KIAA1671: variants seen among roughly 807,000 people sequenced by gnomAD.
KIAA1671 encodes uncharacterized protein KIAA1671.
Under a neutral mutation model 131.2 loss-of-function variants are expected in KIAA1671, and 52 were observed. The observed-to-expected ratio is 0.40, with a 90% CI of 0.32 to 0.50. KIAA1671 has a LOEUF of 0.50. Ranked by LOEUF, KIAA1671 falls within the 20% of genes least tolerant of loss-of-function variation. The pLI, the probability that KIAA1671 is intolerant of heterozygous loss-of-function variation, is 0.73. For synonymous variants in KIAA1671, 1,003 were observed against 961.6 expected (o/e 1.04, Z -0.80); for missense variants, 2,360 against 2,364.2 (o/e 1.00, Z 0.04).
chr22:25,071,314 C>T lies in KIAA1671; in HGVS notation c.4530+21950C>T, dbSNP rs79184198. Among the ~76,000 whole-genome samples the T allele has an allele frequency of 4.8e-3, 735 of 152,242 alleles. 3 individuals are homozygous for T. Among genetic ancestry groups the T allele is most frequent in the African/African-American group, 0.016 (683 of 41,498 alleles). On this transcript the variant is annotated intron_variant, in intron 6 of 12. Transcript: ENST00000358431. ...GCAAATACTTCAGATGCCTTCTTGCCCAGAGAATTTTCCAGCGCTCCTAAA... is the reference window on the plus strand; with the variant it reads ...GCAAATACTTCAGATGCCTTCTTGCTCAGAGAATTTTCCAGCGCTCCTAAA...
intron 1 of KIAA1671, among the ~76,000 whole-genome samples, chr22:24,997,364 A>C: frequency 6.6e-6 from 1 of 152,228 alleles, no homozygotes; most frequent in Non-Finnish European, 1.5e-5. Flanking sequence ...GGCGACTGGC[A>C]GCTTTCTGCG....
In KIAA1671 at chr22:25,005,947, A is replaced by G. The variant is rs143357834; in HGVS notation, c.-207-19686A>G. ...CCAGGAGAACTTTGCATGCTCTCCA[A>G]CAGCATACCTAGCATCGTGTGCCTG... On this transcript the variant is annotated intron_variant, in intron 1 of 12. Coordinates refer to ENST00000358431, the MANE Select transcript of KIAA1671 (RefSeq NM_001145206.2). Among the ~76,000 whole-genome samples the G allele has an allele frequency of 2.0e-5, 3 of 152,332 alleles. No homozygotes were observed. The East Asian group carries it at 5.8e-4, about 29-fold the overall frequency.
chr22:25,044,520 C>G (rs1478697976), intron 5 of KIAA1671, among the ~76,000 whole-genome samples: 1 of 152,056 alleles, frequency 6.6e-6, no homozygotes, highest in Non-Finnish European at 1.5e-5. Context: ...GCACGCAGGC[C>G]CCAGCAGTGC....
chr22:25,098,858 G>A (rs1260722425), intron 6 of KIAA1671, among the ~76,000 whole-genome samples: 2 of 152,234 alleles, frequency 1.3e-5, no homozygotes, highest in East Asian at 1.9e-4. Flanking sequence ...CTGGAACAGC[G>A]TGGGTGGCGC....
At chr22:25,048,814 G>A (rs1927379036) in intron 5 of KIAA1671, among the ~76,000 whole-genome samples, 1 of 152,176 alleles carries the variant, frequency 6.6e-6, no homozygotes, top group African/African-American at 2.4e-5. Flanking sequence ...CATTTATGGA[G>A]GGCTCCCCAG....
At chr22:25,094,035 G>A (rs978426578) in intron 6 of KIAA1671, among the ~76,000 whole-genome samples, 1 of 152,048 alleles carries the variant, frequency 6.6e-6, no homozygotes, top group Non-Finnish European at 1.5e-5. Context: ...CCTGAGGACT[G>A]TATAGGTGTC....
Position 25,192,592 on chromosome 22 carries a change from C to G in KIAA1671, c.*191C>G, listed in dbSNP as rs1934703549. 1 of 152,280 alleles carries G rather than the reference C, an allele frequency of 6.6e-6. No individual in the cohort carries two copies. Among genetic ancestry groups the G allele is most frequent in the African/African-American group, 2.4e-5 (1 of 41,468 alleles). The allele number at this position is 152,280 out of a possible 1,614,324, so 9.4% of individuals were successfully genotyped here. Reference sequence around the variant, plus strand: ...CCTGGATCCAGACGGGAAGACCCAACCTCCAGGAGCACTCGCTCATCTCCC... The same window carrying G: ...CCTGGATCCAGACGGGAAGACCCAAGCTCCAGGAGCACTCGCTCATCTCCC... On this transcript the variant is annotated 3_prime_UTR_variant, in exon 13 of 13. Coordinates refer to ENST00000358431, the MANE Select transcript of KIAA1671 (RefSeq NM_001145206.2).
intron 1 of KIAA1671, among the ~76,000 whole-genome samples, chr22:24,988,055 C>T (rs1397343341): frequency 2.0e-5 from 3 of 152,020 alleles, no homozygotes; most frequent in African/African-American, 7.3e-5. Context: ...GCGGGTGGAT[C>T]ACCTGAGGTC....
intron 6 of KIAA1671, among the ~76,000 whole-genome samples, chr22:25,110,301 A>G (rs1351387931): frequency 1.3e-5 from 2 of 152,168 alleles, no homozygotes; most frequent in Non-Finnish European, 2.9e-5. Context: ...TTCAAAACTG[A>G]AGTGAGGTGG....
chr22:25,175,056 C>T (rs1034954741), intron 8 of KIAA1671: 1 of 152,476 alleles, frequency 6.6e-6, no homozygotes, highest in African/African-American at 2.4e-5. Context: ...TCAGCTCTTT[C>T]AGGTCCCAAG....
rs1030640496 is a variant in KIAA1671, at chr22:24,985,713, G to GGA, written c.-208+32955_-208+32956dup. On this transcript the variant is annotated intron_variant, in intron 1 of 12. Transcript: ENST00000358431. ...GGGAGGAAGAGAGGGAGGGAGAGGG[G>GGA]GAGAGAGAGAGAGAGTGTGTGAGTG... Among the ~76,000 whole-genome samples the GGA allele has an allele frequency of 5.2e-4, 78 of 151,160 alleles. 1 individual carries two copies. Among genetic ancestry groups the GGA allele is most frequent in the African/African-American group, 1.4e-3 (59 of 41,186 alleles).
chr22:25,181,880 G>A (rs999058166), intron 10 of KIAA1671, 57 bp downstream of exon 10: 6 of 1,524,008 alleles, frequency 3.9e-6, no homozygotes, highest in Middle Eastern at 2.0e-4. Flanking sequence ...CCTTAGCAGT[G>A]TAAAGAATAG....
In KIAA1671 at chr22:25,041,194, A is replaced by T. The variant is rs1177015915; in HGVS notation, c.4064A>T (p.Asp1355Val). 6.4e-7 allele frequency: 1 copy of T among 1,551,660 alleles called. No homozygotes were observed. The highest frequency in any genetic ancestry group is 8.7e-7 in the Non-Finnish European group (1 of 1,147,018). Residue 1355 changes from aspartate (D) to valine (V), a missense_variant, in exon 5 of 13, where the codon GAT (aspartate) becomes GTT (valine). By Grantham distance (152) the Asp-to-Val change is radical. Coordinates refer to ENST00000358431, the MANE Select transcript of KIAA1671 (RefSeq NM_001145206.2). The stretch of plus-strand genomic sequence containing the variant: ...GAGTCAAAGCCCTCTGGTCGGGAGG[A>T]TCCAGGCAGTGGGGTCAGGGTGTCA... The part of the protein sequence containing the change: ...LAESKPSGRE[D>V]PGSGVRVSPK...
chr22:25,104,725 A>C (rs1026430494), intron 6 of KIAA1671, among the ~76,000 whole-genome samples: 1 of 152,160 alleles, frequency 6.6e-6, no homozygotes, highest in African/African-American at 2.4e-5. Flanking sequence ...CTTGTTCATC[A>C]GAACCCTTGG....
chr22:25,166,271 G>C (rs1445562238), intron 6 of KIAA1671, among the ~76,000 whole-genome samples: 1 of 152,126 alleles, frequency 6.6e-6, no homozygotes, highest in East Asian at 1.9e-4. Context: ...GGCATTAGGC[G>C]GTGGAGGGAG....
At chr22:24,955,663 T>G (rs563989747) in intron 1 of KIAA1671, among the ~76,000 whole-genome samples, 2 of 151,878 alleles carry the variant, frequency 1.3e-5, no homozygotes, top group Admixed American at 1.3e-4. Flanking sequence ...CCCTGGCTGG[T>G]GTGGGGAGGC....
intron 6 of KIAA1671, among the ~76,000 whole-genome samples, chr22:25,133,571 C>T: frequency 6.6e-6 from 1 of 152,170 alleles, no homozygotes; most frequent in Middle Eastern, 3.2e-3. Flanking sequence ...TAGAGACAGT[C>T]TCGCTGTGTT....
At chr22:25,070,434 G>A in intron 6 of KIAA1671, 1 of 460,378 alleles carries the variant, frequency 2.2e-6, no homozygotes, top group Non-Finnish European at 4.0e-6. Context: ...GCGGGGGGCA[G>A]TGCAGGCTCC....
intron 6 of KIAA1671, among the ~76,000 whole-genome samples, chr22:25,091,497 C>G (rs1930029061): frequency 2.0e-5 from 3 of 152,136 alleles, no homozygotes; most frequent in African/African-American, 7.2e-5. Flanking sequence ...ACCAGTTTAC[C>G]TTATGGGAAT....
Sources: allele counts gnomAD v4.1 joint callset (sites outside exome capture counted in the v4.1 genomes callset), GRCh38; gene constraint gnomAD v4.1.1; transcripts MANE v1.5; gene names NCBI Gene and HGNC (gene_info 2026-07-23, HGNC 2026-07-21).